PSAP: variants seen among roughly 807,000 people sequenced by gnomAD.
PSAP encodes prosaposin, also known as precursor of saposins.
In PSAP, 25 loss-of-function variants were observed where a neutral mutation model predicts 66.0. The observed-to-expected ratio is 0.38, with a 90% CI of 0.28 to 0.53. PSAP has a LOEUF of 0.53. Among genes scored for constraint, PSAP ranks in the 20% least tolerant of loss-of-function variants. PSAP has a pLI of 0.83. For missense variants in PSAP, 649 were observed against 668.8 expected, an observed-to-expected ratio of 0.97 and a Z score of 0.33; for synonymous variants, 273 against 258.9, an observed-to-expected ratio of 1.05 and a Z score of -0.52.
intron 1 of PSAP, among the ~76,000 whole-genome samples, chr10:71,838,175 A>G (rs1255923142): frequency 6.6e-6 from 1 of 152,250 alleles, no homozygotes; most frequent in African/African-American, 2.4e-5. Flanking sequence ...GAGAAATGGA[A>G]GCAGCAAGAG....
intron 1 of PSAP, among the ~76,000 whole-genome samples, chr10:71,846,632 T>A (rs1337412154): frequency 1.4e-5 from 2 of 147,176 alleles, no homozygotes; most frequent in Admixed American, 6.9e-5. Context: ...CCTGGGAGGC[T>A]GAGGTATGAG....
chr10:71,833,036 AAAC>A lies in PSAP; in HGVS notation c.175-1119_175-1117del, dbSNP rs1458845321. 4.5e-3 allele frequency among the ~76,000 whole-genome samples: 616 copies of A among 136,624 alleles called. 35 individuals carry two copies. The East Asian group carries it at 0.048, about 11-fold the overall frequency. The allele number at this position is 136,624 out of a possible 152,430, so 89.6% of individuals were successfully genotyped here. On this transcript the variant is annotated intron_variant, in intron 2 of 13. Coordinates refer to ENST00000394936, the MANE Select transcript of PSAP (RefSeq NM_002778.4). Reference sequence around the variant, plus strand: ...CATCTCAAAAAAAAAAAAAAACAAAAAACAAAAACAGAAGGCCGGGCCATGACA... The same window carrying A: ...CATCTCAAAAAAAAAAAAAAACAAAAAAAAACAGAAGGCCGGGCCATGACA...
intron 1 of PSAP, among the ~76,000 whole-genome samples, chr10:71,848,770 G>A (rs922174572): frequency 1.3e-5 from 2 of 152,156 alleles, no homozygotes; most frequent in Admixed American, 6.6e-5. Flanking sequence ...AATTTTAGGA[G>A]TAACATTTTC....
intron 7 of PSAP, chr10:71,823,974 C>G (rs2133038076): frequency 8.8e-7 from 1 of 1,135,410 alleles, no homozygotes; most frequent in African/African-American, 1.6e-5. Context: ...AAAATTAAAA[C>G]AACAATCAAG....
Position 71,818,657 on chromosome 10 carries a change from C to T in PSAP, c.1499G>A (p.Ser500Asn). 6.2e-7 allele frequency: 1 copy of T among 1,614,112 alleles called. No homozygotes were observed. The highest frequency in any genetic ancestry group is 8.5e-7 in the Non-Finnish European group (1 of 1,180,046). ...TGTCTCTGTGTTCTGGCACCAGTAG[C>T]TTGGGCCCCATATACACTTCTCAGT... ...LGTEKCIWGP[S>N]YWCQNTETAA... The change falls in exon 13 of 14, where the codon AGC (serine) becomes AAC (asparagine). Residue 500 changes from serine (S) to asparagine (N), a missense_variant. Ser to Asn is a conservative substitution (Grantham distance 46, BLOSUM62 1). Transcript: ENST00000394936.
chr10:71,841,211 A>C (rs1842727971), intron 1 of PSAP, among the ~76,000 whole-genome samples: 1 of 152,226 alleles, frequency 6.6e-6, no homozygotes, highest in South Asian at 2.1e-4. Context: ...AGGCACCCAC[A>C]CAAACTGGTG....
chr10:71,822,156 C>T (rs1289305390), intron 7 of PSAP, 149 bp from the exon 8 acceptor site: 1 of 1,045,204 alleles, frequency 9.6e-7, no homozygotes, highest in East Asian at 2.6e-5. Context: ...GGGCAGATTC[C>T]AGTTTCCATG....
chr10:71,824,003 G>A (rs1842352939), intron 7 of PSAP: 2 of 798,328 alleles, frequency 2.5e-6, no homozygotes, highest in African/African-American at 3.6e-5. Context: ...CAGGTGTAAG[G>A]ATGTCCCAAG....
intron 1 of PSAP, among the ~76,000 whole-genome samples, chr10:71,846,199 G>A (rs536497578): frequency 1.3e-5 from 2 of 152,194 alleles, no homozygotes; most frequent in African/African-American, 4.8e-5. Context: ...ATGAAATACG[G>A]GAGAGTTTAA....
intron 7 of PSAP, among the ~76,000 whole-genome samples, chr10:71,822,985 C>T (rs553727723): frequency 6.5e-4 from 98 of 150,534 alleles, no homozygotes; most frequent in African/African-American, 2.4e-3. Context: ...AATAAGAACG[C>T]AGCTGAAGAT....
intron 6 of PSAP, among the ~76,000 whole-genome samples, chr10:71,826,965 A>C (rs1424333188): frequency 6.6e-6 from 1 of 152,208 alleles, no homozygotes; most frequent in East Asian, 1.9e-4. Context: ...AAACGATCTA[A>C]GTAAGGGGCC....
intron 13 of PSAP, 38 bp from the exon 14 acceptor site, chr10:71,817,514 GAA>G (rs781367269): frequency 1.2e-6 from 2 of 1,602,888 alleles, no homozygotes; most frequent in South Asian, 2.2e-5. Flanking sequence ...GTCTTCGGAT[GAA>G]AAACTCCGTT....
chr10:71,829,222 T>A, intron 4 of PSAP, 145 bp from the exon 5 acceptor site: 1 of 854,506 alleles, frequency 1.2e-6, no homozygotes. Context: ...CTGCTCAGCA[T>A]ACCAAGAATG....
chr10:71,818,010 A>G (rs1333913160), intron 13 of PSAP, among the ~76,000 whole-genome samples: 1 of 152,208 alleles, frequency 6.6e-6, no homozygotes, highest in Non-Finnish European at 1.5e-5. Flanking sequence ...GAAATGACAC[A>G]ACCGCCACTG....
At chr10:71,845,059 T>C (rs1306543619) in intron 1 of PSAP, among the ~76,000 whole-genome samples, 1 of 152,226 alleles carries the variant, frequency 6.6e-6, no homozygotes, top group East Asian at 1.9e-4. Context: ...GTGCCTAATT[T>C]ATAAACTAAA....
intron 6 of PSAP, among the ~76,000 whole-genome samples, chr10:71,827,423 G>T (rs1453251192): frequency 3.3e-5 from 4 of 122,766 alleles, no homozygotes; most frequent in African/African-American, 9.0e-5. Flanking sequence ...AAAAAGAAAA[G>T]AAAAGAAAAA....
At chr10:71,837,184 T>C (rs1471455822) in intron 1 of PSAP, among the ~76,000 whole-genome samples, 2 of 152,364 alleles carry the variant, frequency 1.3e-5, no homozygotes, top group Admixed American at 1.3e-4. Flanking sequence ...CACCCCCTTC[T>C]ACCTCCAACC....
Position 71,829,089 on chromosome 10 carries a change from G to C in PSAP, c.376-12C>G, listed in dbSNP as rs758917597. On this transcript the variant is annotated splice_polypyrimidine_tract_variant and intron_variant, in intron 4 of 13. Coordinates refer to ENST00000394936, the MANE Select transcript of PSAP (RefSeq NM_002778.4). ...TCCCCAGGACGGCTCTGGTGGGATG[G>C]AAAGAAGTCCTGCTGAAAATCCTCT... The C allele has an allele frequency of 6.2e-7, 1 of 1,611,790 alleles. No individual in the cohort carries two copies. The highest frequency in any genetic ancestry group is 8.5e-7 in the Non-Finnish European group (1 of 1,178,238).
rs1481064012 is a variant in PSAP at position 71,851,247 on chromosome 10, A to G, written c.-26T>C. ...AGCGCCGTCTGACTCCGCAGTCTGC[A>G]ATGCGGAGCGTCAGCTGATCCCCCG... On this transcript the variant is annotated 5_prime_UTR_variant, in exon 1 of 14. Coordinates refer to ENST00000394936, the MANE Select transcript of PSAP (RefSeq NM_002778.4). 9 of 1,550,354 alleles carry G rather than the reference A, an allele frequency of 5.8e-6. No homozygotes were observed. The highest frequency in any genetic ancestry group is 7.0e-6 in the Non-Finnish European group (8 of 1,146,436).
Sources: gnomAD v4.1 joint callset for allele counts (sites outside exome capture counted in the v4.1 genomes callset) on GRCh38, gnomAD v4.1.1 for gene constraint, MANE v1.5 for transcripts, NCBI Gene and HGNC (gene_info 2026-07-23, HGNC 2026-07-21) for gene names.